Variants in ELL2 observed in about 807,000 individuals in gnomAD.
ELL2 encodes RNA polymerase II elongation factor ELL2.
A neutral mutation model predicts 72.8 loss-of-function variants in ELL2; 21 were observed. The observed-to-expected ratio is 0.29, with a 90% CI of 0.20 to 0.42. The LOEUF (loss-of-function observed/expected upper bound fraction) is 0.42. Among genes scored for constraint, ELL2 ranks in the 10% least tolerant of loss-of-function variants. The pLI is 1.00. For synonymous variants in ELL2, 266 were observed against 283.2 expected (o/e 0.94, Z 0.61); for missense variants, 568 against 772.8 (o/e 0.73, Z 3.14).
intron 1 of ELL2, among the ~76,000 whole-genome samples, chr5:95,950,902 GTGTATATATATATATA>G (rs1225868420): frequency 0.023 from 1,708 of 75,020 alleles, 104 homozygotes; most frequent in African/African-American, 0.06. Context: ...ATGTATGTAT[GTGTATATATATATATA>G]TATATATATA....
In ELL2 at chr5:95,923,990, GA is replaced by G. The variant is rs530020311; in HGVS notation, c.196-4446del. Among the ~76,000 whole-genome samples, 216 of 152,306 alleles carry G rather than the reference GA, an allele frequency of 1.4e-3. 2 individuals are homozygous for G. Among genetic ancestry groups the G allele is most frequent in the Admixed American group, 2.2e-3 (33 of 15,296 alleles). ...ATTTGGCCAATGGACAGGAAAGCAG[GA>G]GACTTATTGGAAAGAGCAGGTAATA... is the stretch of plus-strand genomic sequence containing the variant. On this transcript the variant is annotated intron_variant, in intron 2 of 11. Coordinates refer to ENST00000237853, the MANE Select transcript of ELL2 (RefSeq NM_012081.6).
chr5:95,919,656 T>C, intron 2 of ELL2, 111 bp from the exon 3 acceptor site: 1 of 1,267,208 alleles, frequency 7.9e-7, no homozygotes, highest in Non-Finnish European at 1.1e-6. Context: ...ACCTAAGCCC[T>C]TTTGATATAT....
Position 95,891,146 on chromosome 5 carries a change from T to C in ELL2, c.1718A>G (p.Asp573Gly). ...ETVARRFIKLDAQRKRLSPGS... is the reference protein window; with the variant it reads ...ETVARRFIKLGAQRKRLSPGS... ...TGGAGAAAGGCGCTTTCTTTGTGCATCTAGTTTGATAAATCTTCTAGCTAC... is the reference window on the plus strand; with the variant it reads ...TGGAGAAAGGCGCTTTCTTTGTGCACCTAGTTTGATAAATCTTCTAGCTAC... The change falls in exon 10 of 12, where the codon GAT becomes GGT. Residue 573 changes from aspartate (D) to glycine (G), a missense_variant. Transcript: ENST00000237853. 1 of 1,614,166 alleles carries C rather than the reference T, an allele frequency of 6.2e-7. No homozygotes were observed. The highest frequency in any genetic ancestry group is 1.1e-5 in the South Asian group (1 of 91,086).
At position 95,950,939 on chromosome 5, in the gene ELL2, TA is replaced by T. The variant is rs1561515462; in HGVS notation, c.148-7891del. On this transcript the variant is annotated intron_variant, in intron 1 of 11. Transcript: ENST00000237853. The stretch of plus-strand genomic sequence containing the variant: ...ATATATATATATATATATATATATA[TA>T]TATATATATATATAAAATCTTCATA... 4.0e-3 allele frequency among the ~76,000 whole-genome samples: 466 copies of T among 117,390 alleles called. 15 individuals are homozygous for T. In the East Asian group the frequency reaches 0.043, roughly 11 times the overall value. The allele number at this position is 117,390 out of a possible 152,430, so 77.0% of individuals were successfully genotyped here.
intron 9 of ELL2, 131 bp downstream of exon 9, chr5:95,895,497 C>A: frequency 1.3e-6 from 1 of 783,156 alleles, no homozygotes; most frequent in Admixed American, 2.5e-5. Context: ...GGCAGCCTTT[C>A]AATTGCAAGG....
chr5:95,912,474 T>C (rs1749644001), intron 4 of ELL2, among the ~76,000 whole-genome samples: 1 of 152,220 alleles, frequency 6.6e-6, no homozygotes. Flanking sequence ...TCATAGTTTA[T>C]ACTTAAATGT....
intron 1 of ELL2, among the ~76,000 whole-genome samples, chr5:95,945,632 T>A (rs1751128682): frequency 6.6e-6 from 1 of 152,190 alleles, no homozygotes; most frequent in Non-Finnish European, 1.5e-5. Flanking sequence ...TAGTAAGAAT[T>A]CTCAAAAAGG....
chr5:95,909,394 A>T (rs1371997699), intron 4 of ELL2, among the ~76,000 whole-genome samples: 1 of 152,194 alleles, frequency 6.6e-6, no homozygotes, highest in African/African-American at 2.4e-5. Flanking sequence ...AATTATACTC[A>T]AAGATCACTT....
At chr5:95,951,644 C>T (rs1287675680) in intron 1 of ELL2, among the ~76,000 whole-genome samples, 1 of 151,540 alleles carries the variant, frequency 6.6e-6, no homozygotes, top group Non-Finnish European at 1.5e-5. Flanking sequence ...GCATCTAAAA[C>T]ATTTTTTACA....
intron 2 of ELL2, among the ~76,000 whole-genome samples, chr5:95,925,576 C>G (rs1750253344): frequency 6.6e-6 from 1 of 152,208 alleles, no homozygotes; most frequent in South Asian, 2.1e-4. Flanking sequence ...AGTAGTCACT[C>G]AATGCATATT....
chr5:95,947,149 A>C (rs752746244), intron 1 of ELL2, among the ~76,000 whole-genome samples: 3 of 152,130 alleles, frequency 2.0e-5, no homozygotes, highest in Non-Finnish European at 4.4e-5. Context: ...GATTGTTATG[A>C]TACAGGAGTC....
intron 2 of ELL2, among the ~76,000 whole-genome samples, chr5:95,934,318 C>T (rs1443501906): frequency 6.6e-6 from 1 of 152,138 alleles, no homozygotes; most frequent in Non-Finnish European, 1.5e-5. Flanking sequence ...TACCAACCCT[C>T]TACTGATGTG....
At position 95,891,305 on chromosome 5, in the gene ELL2, C is replaced by G. The variant is rs147186656; in HGVS notation, c.1590-31G>C. 6.4e-5 allele frequency: 101 copies of G among 1,580,360 alleles called. No homozygotes were observed. In the African/African-American group the frequency reaches 9.2e-4, roughly 14 times the overall value. ...AAGAAAAAAGATAAATGGAGAGTAG[C>G]TACCCAATAAACATGATTGCACAAG... On this transcript the variant is annotated intron_variant, in intron 9 of 11. Coordinates refer to ENST00000237853, the MANE Select transcript of ELL2 (RefSeq NM_012081.6).
Position 95,888,778 on chromosome 5 carries a change from A to C in ELL2, c.*93T>G. 1.1e-6 allele frequency: 1 copy of C among 889,684 alleles called. No individual in the cohort carries two copies. Among genetic ancestry groups the C allele is most frequent in the Non-Finnish European group, 1.6e-6 (1 of 609,988 alleles). The allele number at this position is 889,684 out of a possible 1,614,324, so 55.1% of individuals were successfully genotyped here. A position where few individuals can be genotyped will look rare whatever the true frequency, so the allele number is the denominator to read the frequency against. On this transcript the variant is annotated 3_prime_UTR_variant, in exon 12 of 12. Coordinates refer to ENST00000237853, the MANE Select transcript of ELL2 (RefSeq NM_012081.6). ...ACTAATACTGAAACTTTCAACAGCC[A>C]AAGTTTCACCTTTTTAGAATCTAGA...
chr5:95,959,432 A>C (rs1466839544), intron 1 of ELL2, among the ~76,000 whole-genome samples: 1 of 151,794 alleles, frequency 6.6e-6, no homozygotes, highest in East Asian at 1.9e-4. Flanking sequence ...TCCCACTGCC[A>C]TTCCTTCCCA....
At chr5:95,901,374 AT>A (rs1044259428) in intron 5 of ELL2, among the ~76,000 whole-genome samples, 1 of 152,238 alleles carries the variant, frequency 6.6e-6, no homozygotes, top group Non-Finnish European at 1.5e-5. Flanking sequence ...AAAAAAATCA[AT>A]TATTTTAGTC....
In ELL2 at chr5:95,946,444, G is replaced by T. The variant is rs185398184; in HGVS notation, c.148-3395C>A. Among the ~76,000 whole-genome samples the T allele has an allele frequency of 5.9e-5, 9 of 152,248 alleles. No individual in the cohort carries two copies. In the East Asian group the frequency reaches 1.7e-3, roughly 29 times the overall value. ...TAAGTTCTTAGTCTCCATTTCAAAA[G>T]CAAGACCCTTATCACCTCACAACTA... is the stretch of plus-strand genomic sequence containing the variant. On this transcript the variant is annotated intron_variant, in intron 1 of 11. Transcript: ENST00000237853.
At chr5:95,932,789 A>G (rs1215178573) in intron 2 of ELL2, 2 of 152,202 alleles carry the variant, frequency 1.3e-5, no homozygotes, top group Non-Finnish European at 2.9e-5. Flanking sequence ...ATGTCAAAAT[A>G]GCAAAATACA....
At position 95,931,715 on chromosome 5, in the gene ELL2, TC is replaced by T. The variant is rs1201684988; in HGVS notation, c.195+11286del. Among the ~76,000 whole-genome samples the T allele has an allele frequency of 4.1e-5, 6 of 145,516 alleles. No individual in the cohort carries two copies. In the East Asian group the frequency reaches 1.0e-3, roughly 24 times the overall value. ...GAGAATGAATCAGCTAAAACAGGTGTCCATGGAAGGCTGAAAAATTACAGAT... is the reference window on the plus strand; with the variant it reads ...GAGAATGAATCAGCTAAAACAGGTGTCATGGAAGGCTGAAAAATTACAGAT... On this transcript the variant is annotated intron_variant, in intron 2 of 11. Transcript: ENST00000237853.
Sources: gnomAD v4.1 joint callset for allele counts (sites outside exome capture counted in the v4.1 genomes callset) on GRCh38, gnomAD v4.1.1 for gene constraint, MANE v1.5 for transcripts, NCBI Gene and HGNC (gene_info 2026-07-23, HGNC 2026-07-21) for gene names.